Variants in PTPRM observed in about 807,000 individuals in gnomAD.
The protein encoded by PTPRM is receptor-type tyrosine-protein phosphatase mu.
PTPRM carries 47 observed loss-of-function variants against 186.7 expected under a neutral mutation model. The ratio of observed to expected loss-of-function variants is 0.25; its 90% CI spans 0.20 to 0.32. PTPRM has a LOEUF of 0.32. PTPRM is among the 10% of genes least tolerant of loss of function. The pLI, the probability that PTPRM is intolerant of heterozygous loss-of-function variation, is 1.00. For missense variants in PTPRM, 1,494 were observed against 1,865.0 expected, an observed-to-expected ratio of 0.80 and a Z score of 3.66; for synonymous variants, 668 against 674.9, an observed-to-expected ratio of 0.99 and a Z score of 0.16.
chr18:7,602,003 A>G (rs2037414507), intron 1 of PTPRM, among the ~76,000 whole-genome samples: 1 of 152,224 alleles, frequency 6.6e-6, no homozygotes, highest in Non-Finnish European at 1.5e-5. Context: ...AAATGCTTAC[A>G]CTGGCCTGGG....
chr18:7,936,257 G>A (rs2051800385), intron 5 of PTPRM, among the ~76,000 whole-genome samples: 1 of 152,150 alleles, frequency 6.6e-6, no homozygotes, highest in Non-Finnish European at 1.5e-5. Context: ...CAGGAGCCCT[G>A]CCCTCCCAGG....
intron 1 of PTPRM, among the ~76,000 whole-genome samples, chr18:7,659,155 C>CACACACACACACAA (rs1305244376): frequency 2.0e-5 from 3 of 147,198 alleles, no homozygotes; most frequent in African/African-American, 7.7e-5. Context: ...CACACACACA[C>CACACACACACACAA]AATCTCCCTT....
chr18:7,661,103 G>T (rs1272312668), intron 1 of PTPRM, among the ~76,000 whole-genome samples: 1 of 152,186 alleles, frequency 6.6e-6, no homozygotes, highest in African/African-American at 2.4e-5. Flanking sequence ...GACTATCTTT[G>T]CACAGGGAAA....
rs1008868888 is a variant in PTPRM, at chr18:8,165,032, G to A, written c.2300+21253G>A. ...AAAAATACAAAAATTAGCTGAGTAC[G>A]GTGGCACACACCTGTAATCCCAGCT... On this transcript the variant is annotated intron_variant, in intron 14 of 32. Coordinates refer to ENST00000580170, the MANE Select transcript of PTPRM (RefSeq NM_001105244.2). Among the ~76,000 whole-genome samples the A allele has an allele frequency of 3.3e-5, 5 of 151,864 alleles. No homozygotes were observed. The South Asian group carries it at 6.3e-4, about 19-fold the overall frequency.
intron 4 of PTPRM, among the ~76,000 whole-genome samples, chr18:7,925,659 A>T (rs2051129996): frequency 6.6e-6 from 1 of 152,176 alleles, no homozygotes; most frequent in Non-Finnish European, 1.5e-5. Context: ...AAGTATGATC[A>T]TCCCCTTTGC....
intron 2 of PTPRM, among the ~76,000 whole-genome samples, chr18:7,859,033 A>G (rs2047221727): frequency 6.6e-6 from 1 of 152,202 alleles, no homozygotes; most frequent in Non-Finnish European, 1.5e-5. Flanking sequence ...GTTTTGCCCC[A>G]AAGTGCAGGA....
intron 1 of PTPRM, among the ~76,000 whole-genome samples, chr18:7,694,025 C>A (rs538825718): frequency 6.6e-6 from 1 of 152,314 alleles, no homozygotes; most frequent in Admixed American, 6.5e-5. Context: ...TGGGGTGTCA[C>A]AGAAATCCTT....
Position 8,380,339 on chromosome 18 carries a change from T to C in PTPRM, c.3830T>C (p.Leu1277Ser). 6.2e-7 allele frequency: 1 copy of C among 1,614,008 alleles called. No homozygotes were observed. The highest frequency in any genetic ancestry group is 1.1e-5 in the South Asian group (1 of 91,082). Residue 1277 changes from leucine (L) to serine (S), a missense_variant, in exon 29 of 33, where the codon TTG (leucine) becomes TCG (serine). Leu to Ser is a moderately radical substitution (Grantham distance 145, BLOSUM62 -2). Around this residue, in one of 3 missense-constraint regions of PTPRM, gnomAD observed 1,107 missense variants for 1,350.2 expected, o/e 0.82. Transcript: ENST00000580170. ...PSAFIVTQHP[L>S]PNTVKDFWRL... ...GCTTTTATAGTCACCCAGCATCCTT[T>C]GCCAAACACAGTGAAAGACTTTTGG... is the stretch of plus-strand genomic sequence containing the variant.
chr18:8,212,013 G>C (rs1337178373), intron 14 of PTPRM, among the ~76,000 whole-genome samples: 1 of 152,124 alleles, frequency 6.6e-6, no homozygotes, highest in Non-Finnish European at 1.5e-5. Flanking sequence ...GGAATGATGG[G>C]CATGACTGGC....
At chr18:7,652,122 C>G (rs1490329311) in intron 1 of PTPRM, among the ~76,000 whole-genome samples, 1 of 152,216 alleles carries the variant, frequency 6.6e-6, no homozygotes, top group African/African-American at 2.4e-5. Flanking sequence ...CAAAAGAAGA[C>G]ATTTATGCAG....
At chr18:7,977,907 T>G (rs2055065598) in intron 7 of PTPRM, among the ~76,000 whole-genome samples, 2 of 152,220 alleles carry the variant, frequency 1.3e-5, no homozygotes, top group Non-Finnish European at 2.9e-5. Flanking sequence ...TCCTCACAGT[T>G]CTGGACAGAA....
chr18:7,681,464 T>A (rs1180632409), intron 1 of PTPRM, among the ~76,000 whole-genome samples: 1 of 152,106 alleles, frequency 6.6e-6, no homozygotes, highest in African/African-American at 2.4e-5. Context: ...TCGGGGCTGT[T>A]ACACGGGCCA....
At chr18:8,217,790 T>C (rs7238009) in intron 14 of PTPRM, among the ~76,000 whole-genome samples, 71,473 of 151,864 alleles carry the variant, frequency 0.47, 17,293 homozygotes, top group East Asian at 0.74. Context: ...TTTCCGTACA[T>C]CACTACACGT....
intron 1 of PTPRM, among the ~76,000 whole-genome samples, chr18:7,721,140 T>TC (rs1405664876): frequency 8.8e-6 from 1 of 114,282 alleles, no homozygotes; most frequent in Non-Finnish European, 1.9e-5. Context: ...CTTATTATTT[T>TC]CTTTTTTTTT....
At chr18:7,786,747 G>C (rs556808782) in intron 2 of PTPRM, among the ~76,000 whole-genome samples, 2 of 152,308 alleles carry the variant, frequency 1.3e-5, no homozygotes, top group South Asian at 2.1e-4. Context: ...CTTAGTTCCT[G>C]ATTGTCCTGG....
At chr18:8,335,025 C>T (rs1206086348) in intron 22 of PTPRM, among the ~76,000 whole-genome samples, 2 of 152,354 alleles carry the variant, frequency 1.3e-5, no homozygotes, top group East Asian at 3.9e-4. Context: ...CCTCTGTTTT[C>T]TTTCTCTGAT....
At chr18:7,588,921 C>T (rs2037052011) in intron 1 of PTPRM, among the ~76,000 whole-genome samples, 1 of 152,192 alleles carries the variant, frequency 6.6e-6, no homozygotes, top group Non-Finnish European at 1.5e-5. Context: ...GGGATCAGGA[C>T]TCACTGCAAC....
chr18:8,239,423 C>G lies in PTPRM; in HGVS notation c.2301-4635C>G, dbSNP rs1469184536. ...TTGCTGGAGGCCTGAGGGGATTTGT[C>G]TCAAATCTTCTCTGTGAAAACCTGG... On this transcript the variant is annotated intron_variant, in intron 14 of 32. Coordinates refer to ENST00000580170, the MANE Select transcript of PTPRM (RefSeq NM_001105244.2). Among the ~76,000 whole-genome samples, 3 of 152,146 alleles carry G rather than the reference C, an allele frequency of 2.0e-5. No homozygotes were observed. The East Asian group carries it at 5.8e-4, about 29-fold the overall frequency.
At chr18:7,833,536 C>A (rs1442349992) in intron 2 of PTPRM, among the ~76,000 whole-genome samples, 1 of 152,114 alleles carries the variant, frequency 6.6e-6, no homozygotes, top group Non-Finnish European at 1.5e-5. Flanking sequence ...GAGTTTGAGA[C>A]CAGCATGGCC....
Sources: gnomAD v4.1 joint callset for allele counts (sites outside exome capture counted in the v4.1 genomes callset) on GRCh38, gnomAD v4.1.1 for gene constraint, gnomAD v4.1.1 regional missense constraint, MANE v1.5 for transcripts, NCBI Gene and HGNC (gene_info 2026-07-23, HGNC 2026-07-21) for gene names.